The following GNAQ variants were observed in gnomAD, a reference collection of about 807,000 sequenced individuals.
The protein encoded by GNAQ is guanine nucleotide-binding protein G(q) subunit alpha.
GNAQ carries 8 observed loss-of-function variants against 43.9 expected under a neutral mutation model. The observed-to-expected ratio is 0.18, with a 90% CI of 0.11 to 0.33. The LOEUF is 0.33. GNAQ is among the 10% of genes least tolerant of loss of function. GNAQ has a pLI of 1.00. For synonymous variants in GNAQ, 155 were observed against 170.7 expected, an observed-to-expected ratio of 0.91 and a Z score of 0.71; for missense variants, 158 against 450.8, an observed-to-expected ratio of 0.35 and a Z score of 5.88.
intron 2 of GNAQ, among the ~76,000 whole-genome samples, chr9:77,863,180 A>T (rs1293186039): frequency 4.2e-5 from 1 of 23,710 alleles, no homozygotes; most frequent in African/African-American, 8.8e-5. Flanking sequence ...GTATGAAAGA[A>T]AGGAAGGAAG....
chr9:77,892,159 T>G (rs1277227043), intron 2 of GNAQ, among the ~76,000 whole-genome samples: 1 of 152,216 alleles, frequency 6.6e-6, no homozygotes, highest in Admixed American at 6.5e-5. Flanking sequence ...TCTAGCCTAG[T>G]GCATGGATTT....
intron 4 of GNAQ, among the ~76,000 whole-genome samples, chr9:77,795,542 G>A (rs528210320): frequency 6.6e-6 from 1 of 152,222 alleles, no homozygotes; most frequent in East Asian, 1.9e-4. Context: ...AGTTGCTCCT[G>A]GTGTTTTCCT....
chr9:77,956,040 TTAAG>T (rs1316091395), intron 1 of GNAQ, among the ~76,000 whole-genome samples: 5 of 152,226 alleles, frequency 3.3e-5, no homozygotes, highest in Non-Finnish European at 5.9e-5. Context: ...TTTTGATTTA[TTAAG>T]TTTTTTAAAA....
chr9:77,828,663 T>C (rs1367209814), intron 2 of GNAQ, among the ~76,000 whole-genome samples: 1 of 152,210 alleles, frequency 6.6e-6, no homozygotes, highest in Non-Finnish European at 1.5e-5. Context: ...TCAATAAATA[T>C]TTCTACAATG....
At chr9:77,866,409 G>A (rs1233292707) in intron 2 of GNAQ, among the ~76,000 whole-genome samples, 2 of 152,070 alleles carry the variant, frequency 1.3e-5, no homozygotes, top group Non-Finnish European at 2.9e-5. Flanking sequence ...CCCAGGAGGC[G>A]GAGGTTGCAG....
chr9:77,827,080 G>GT lies in GNAQ; in HGVS notation c.322-11311dup, dbSNP rs1335110542. ...TAGTGATTATTTTATAGCCATAACT[G>GT]TTTTGCAACTGGAAGCATGTTGACT... On this transcript the variant is annotated intron_variant, in intron 2 of 6. Coordinates refer to ENST00000286548, the MANE Select transcript of GNAQ (RefSeq NM_002072.5). Among the ~76,000 whole-genome samples the GT allele has an allele frequency of 6.6e-5, 10 of 152,138 alleles. 1 individual carries two copies. The East Asian group carries it at 1.7e-3, about 26-fold the overall frequency.
At chr9:78,012,408 C>T (rs1388929752) in intron 1 of GNAQ, among the ~76,000 whole-genome samples, 1 of 151,904 alleles carries the variant, frequency 6.6e-6, no homozygotes, top group Non-Finnish European at 1.5e-5. Context: ...AGAGTTTCAC[C>T]ATGTTGGCCA....
At chr9:77,931,810 C>T (rs1461909625) in intron 1 of GNAQ, among the ~76,000 whole-genome samples, 1 of 152,170 alleles carries the variant, frequency 6.6e-6, no homozygotes, top group Non-Finnish European at 1.5e-5. Flanking sequence ...ACCTAGTTTA[C>T]AGCTCTGCTC....
intron 6 of GNAQ, among the ~76,000 whole-genome samples, chr9:77,723,055 A>C (rs1349093905): frequency 6.6e-6 from 1 of 152,230 alleles, no homozygotes; most frequent in Non-Finnish European, 1.5e-5. Flanking sequence ...AGCTCCTACA[A>C]TTCAATAACA....
intron 5 of GNAQ, among the ~76,000 whole-genome samples, chr9:77,783,533 T>G (rs931381482): frequency 6.6e-6 from 1 of 152,194 alleles, no homozygotes. Flanking sequence ...TCTTTCCTTC[T>G]CACGTTGGTC....
chr9:77,884,215 T>G (rs1430455392), intron 2 of GNAQ, among the ~76,000 whole-genome samples: 1 of 152,188 alleles, frequency 6.6e-6, no homozygotes. Context: ...TCTGAAGCTG[T>G]GTAGGTGACT....
intron 2 of GNAQ, among the ~76,000 whole-genome samples, chr9:77,865,387 A>G (rs1481935202): frequency 1.3e-5 from 2 of 152,268 alleles, no homozygotes; most frequent in Non-Finnish European, 1.5e-5. Flanking sequence ...TAAGAAAGCT[A>G]TCTGTATCAC....
intron 2 of GNAQ, among the ~76,000 whole-genome samples, chr9:77,910,478 C>T (rs1030015593): frequency 3.9e-5 from 6 of 152,156 alleles, no homozygotes; most frequent in Non-Finnish European, 7.3e-5. Context: ...TACTAAAATG[C>T]GTTAAACTAT....
chr9:77,807,243 A>G (rs1187555221), intron 3 of GNAQ, among the ~76,000 whole-genome samples: 1 of 152,180 alleles, frequency 6.6e-6, no homozygotes, highest in Non-Finnish European at 1.5e-5. Flanking sequence ...TGGGTTACAT[A>G]AAGACAGCAA....
At chr9:77,853,009 G>T (rs911090782) in intron 2 of GNAQ, among the ~76,000 whole-genome samples, 13 of 152,132 alleles carry the variant, frequency 8.5e-5, no homozygotes, top group African/African-American at 3.1e-4. Flanking sequence ...ATGGAGAAAA[G>T]AACATACATT....
intron 5 of GNAQ, among the ~76,000 whole-genome samples, chr9:77,740,851 G>C (rs1046545042): frequency 6.6e-6 from 1 of 152,136 alleles, no homozygotes; most frequent in Non-Finnish European, 1.5e-5. Context: ...TGTGTAAAAG[G>C]CACTGGCAAG....
intron 2 of GNAQ, among the ~76,000 whole-genome samples, chr9:77,860,160 A>G (rs1181342872): frequency 6.6e-6 from 1 of 152,212 alleles, no homozygotes; most frequent in Non-Finnish European, 1.5e-5. Flanking sequence ...TCTTAGTAGC[A>G]TGGCCCATGA....
At position 77,769,989 on chromosome 9, in the gene GNAQ, T is replaced by C. The variant is rs370098667; in HGVS notation, c.735+24474A>G. Among the ~76,000 whole-genome samples, 13 of 152,184 alleles carry C rather than the reference T, an allele frequency of 8.5e-5. 1 individual carries two copies. Among genetic ancestry groups the C allele is most frequent in the Middle Eastern group, 6.8e-3 (2 of 294 alleles). On this transcript the variant is annotated intron_variant, in intron 5 of 6. Coordinates refer to ENST00000286548, the MANE Select transcript of GNAQ (RefSeq NM_002072.5). ...CCAAGACAAGAACTCTTAGTGGGGA[T>C]TGTGTATTTGGGTAATGAAATAACA...
intron 1 of GNAQ, among the ~76,000 whole-genome samples, chr9:78,010,851 T>C (rs1823764885): frequency 6.6e-6 from 1 of 152,056 alleles, no homozygotes; most frequent in Non-Finnish European, 1.5e-5. Flanking sequence ...TCTCAAAGAC[T>C]CCCTTATGTC....
Sources: gnomAD v4.1 joint callset for allele counts (sites outside exome capture counted in the v4.1 genomes callset) on GRCh38, gnomAD v4.1.1 for gene constraint, MANE v1.5 for transcripts, NCBI Gene and HGNC (gene_info 2026-07-23, HGNC 2026-07-21) for gene names.